The following PTPRD variants were observed in gnomAD, a reference collection of about 807,000 sequenced individuals.
PTPRD encodes the protein receptor-type tyrosine-protein phosphatase delta.
In PTPRD, 34 loss-of-function variants were observed where a neutral mutation model predicts 214.5. The ratio of observed to expected loss-of-function variants is 0.16; its 90% confidence interval spans 0.12 to 0.21. The LOEUF is 0.21. PTPRD is among the 10% of genes least tolerant of loss of function. The probability of loss-of-function intolerance (pLI) is 1.00; values close to 1 mark genes in which losing one functional copy is unlikely to be tolerated. For synonymous variants in PTPRD, 1,128 were observed against 845.7 expected, an observed-to-expected ratio of 1.33 and a Z score of -5.79; for missense variants, 2,545 against 2,398.7, an observed-to-expected ratio of 1.06 and a Z score of -1.27.
chr9:10,579,283 T>C (rs1288010852), intron 2 of PTPRD, among the ~76,000 whole-genome samples: 5 of 152,100 alleles, frequency 3.3e-5, no homozygotes, highest in Non-Finnish European at 7.4e-5. Flanking sequence ...CCACTCCCCA[T>C]AGTAGTCCCC....
chr9:9,649,355 T>C lies in PTPRD; in HGVS notation c.-286-74574A>G, dbSNP rs113957874. Among the ~76,000 whole-genome samples the C allele has an allele frequency of 7.3e-3, 1,105 of 152,272 alleles. 12 individuals are homozygous for C. The highest frequency in any genetic ancestry group is 0.026 in the African/African-American group (1,068 of 41,532). ...AGAGTCAAATAATGTGTACACTCTA[T>C]CTGTAAAATGGCAAAATCAGAGAAA... On this transcript the variant is annotated intron_variant, in intron 7 of 45. Coordinates refer to ENST00000381196, the MANE Select transcript of PTPRD (RefSeq NM_002839.4).
At chr9:10,168,895 G>A (rs1445061872) in intron 3 of PTPRD, among the ~76,000 whole-genome samples, 1 of 152,082 alleles carries the variant, frequency 6.6e-6, no homozygotes, top group Admixed American at 6.6e-5. Flanking sequence ...TAGAAGTAGG[G>A]CAAACAGAAT....
At chr9:9,292,336 T>C (rs1486280202) in intron 9 of PTPRD, among the ~76,000 whole-genome samples, 1 of 151,450 alleles carries the variant, frequency 6.6e-6, no homozygotes, top group African/African-American at 2.4e-5. Flanking sequence ...GCCAACTTTG[T>C]CACTTTCCGC....
At chr9:10,226,086 G>C (rs2099587913) in intron 3 of PTPRD, among the ~76,000 whole-genome samples, 1 of 151,992 alleles carries the variant, frequency 6.6e-6, no homozygotes, top group Non-Finnish European at 1.5e-5. Flanking sequence ...TAGGATCCCA[G>C]CTGGAATGCA....
chr9:9,709,796 A>G (rs1408272582), intron 7 of PTPRD, among the ~76,000 whole-genome samples: 1 of 152,100 alleles, frequency 6.6e-6, no homozygotes, highest in Non-Finnish European at 1.5e-5. Context: ...AGACGTCATT[A>G]AATCATATTT....
At chr9:9,708,400 T>C (rs1857754175) in intron 7 of PTPRD, among the ~76,000 whole-genome samples, 1 of 152,108 alleles carries the variant, frequency 6.6e-6, no homozygotes, top group Non-Finnish European at 1.5e-5. Context: ...CATTTATTCT[T>C]ACTAAAATAT....
chr9:9,685,537 G>C (rs1371366313), intron 7 of PTPRD, among the ~76,000 whole-genome samples: 1 of 150,466 alleles, frequency 6.6e-6, no homozygotes, highest in Non-Finnish European at 1.5e-5. Context: ...AATTTTTTCT[G>C]GCAATATTTT....
At chr9:9,576,501 G>C (rs1297606352) in intron 7 of PTPRD, among the ~76,000 whole-genome samples, 1 of 152,058 alleles carries the variant, frequency 6.6e-6, no homozygotes, top group Non-Finnish European at 1.5e-5. Flanking sequence ...ATTTGTGAAA[G>C]GAGAATCCTC....
chr9:9,023,799 G>A (rs1402923047), intron 10 of PTPRD, among the ~76,000 whole-genome samples: 2 of 151,758 alleles, frequency 1.3e-5, no homozygotes, highest in African/African-American at 2.4e-5. Flanking sequence ...TTAGGATTAC[G>A]GCCTCCATCT....
In PTPRD at chr9:9,384,343, C is replaced by CTTT. The variant is rs869246078; in HGVS notation, c.-203+13103_-203+13105dup. Among the ~76,000 whole-genome samples the CTTT allele has an allele frequency of 5.9e-3, 195 of 33,314 alleles. 67 individuals are homozygous for CTTT. Among genetic ancestry groups the CTTT allele is most frequent in the Non-Finnish European group, 0.011 (152 of 14,294 alleles). The allele number at this position is 33,314 out of a possible 152,430, so 21.9% of individuals were successfully genotyped here. ...GATGATATTTGAGCAGAAGACTAGG[C>CTTT]TTTTTTTTTTTTTTTTTTTTTTTTT... On this transcript the variant is annotated intron_variant, in intron 9 of 45. Coordinates refer to ENST00000381196, the MANE Select transcript of PTPRD (RefSeq NM_002839.4).
chr9:9,482,658 G>T (rs899133918), intron 8 of PTPRD, among the ~76,000 whole-genome samples: 4 of 152,216 alleles, frequency 2.6e-5, no homozygotes, highest in African/African-American at 9.6e-5. Context: ...GCTATTATCC[G>T]TAGATGGCAG....
intron 9 of PTPRD, among the ~76,000 whole-genome samples, chr9:9,394,820 A>G (rs2067158550): frequency 6.6e-6 from 1 of 152,090 alleles, no homozygotes; most frequent in Non-Finnish European, 1.5e-5. Flanking sequence ...TTTGATTAAA[A>G]TCATCTGGGA....
intron 3 of PTPRD, among the ~76,000 whole-genome samples, chr9:10,119,051 A>C (rs553537767): frequency 6.6e-6 from 1 of 152,064 alleles, no homozygotes; most frequent in African/African-American, 2.4e-5. Context: ...CCAGGGCATT[A>C]AAGTTACAAC....
intron 8 of PTPRD, among the ~76,000 whole-genome samples, chr9:9,535,909 C>T (rs181812394): frequency 7.2e-5 from 11 of 152,006 alleles, no homozygotes; most frequent in Admixed American, 7.2e-4. Flanking sequence ...AAAACATTTT[C>T]ACTTTTGCTA....
intron 8 of PTPRD, among the ~76,000 whole-genome samples, chr9:9,422,631 A>G (rs902545408): frequency 8.5e-5 from 13 of 152,158 alleles, no homozygotes; most frequent in Non-Finnish European, 1.8e-4. Flanking sequence ...CAGTGATGTC[A>G]GATAGACGCT....
chr9:10,024,842 C>G lies in PTPRD; in HGVS notation c.-472+8876G>C, dbSNP rs575887696. On this transcript the variant is annotated intron_variant, in intron 4 of 45. Transcript: ENST00000381196. ...TCCCCTTCCTGTGTCCATGTGTTCT[C>G]ATTGTTCAATTCCCACCTATGAGTG... Among the ~76,000 whole-genome samples, 18 of 140,696 alleles carry G rather than the reference C, an allele frequency of 1.3e-4. No homozygotes were observed. In the East Asian group the frequency reaches 3.0e-3, roughly 24 times the overall value. 92.3% of individuals were successfully genotyped at this position (140,696 alleles called of 152,430 possible).
At chr9:9,281,693 T>G (rs930969753) in intron 9 of PTPRD, among the ~76,000 whole-genome samples, 4 of 151,340 alleles carry the variant, frequency 2.6e-5, no homozygotes, top group African/African-American at 9.7e-5. Flanking sequence ...GTGTGGCAGT[T>G]TCTTACAGAA....
chr9:10,455,029 T>G (rs1045915483), intron 2 of PTPRD, among the ~76,000 whole-genome samples: 1 of 151,728 alleles, frequency 6.6e-6, no homozygotes, highest in Non-Finnish European at 1.5e-5. Context: ...TAAGAATACT[T>G]TTTAAAAATG....
chr9:9,485,360 G>T (rs762269832), intron 8 of PTPRD, among the ~76,000 whole-genome samples: 35 of 152,014 alleles, frequency 2.3e-4, no homozygotes, highest in Non-Finnish European at 4.0e-4. Context: ...AAACGTTTTG[G>T]AATAAAAAAT....
Sources: gnomAD v4.1 joint callset for allele counts (sites outside exome capture counted in the v4.1 genomes callset) on GRCh38, gnomAD v4.1.1 for gene constraint, MANE v1.5 for transcripts, NCBI Gene and HGNC (gene_info 2026-07-23, HGNC 2026-07-21) for gene names.